FYB1: variants seen among roughly 807,000 people sequenced by gnomAD.
FYB1 encodes FYN binding protein 1.
Under a neutral mutation model 94.1 loss-of-function variants are expected in FYB1, and 41 were observed. The ratio of observed to expected loss-of-function variants is 0.44; its 90% confidence interval spans 0.34 to 0.57. The LOEUF is 0.57. Ranked by LOEUF, FYB1 falls within the 20% of genes least tolerant of loss-of-function variation. The pLI is 0.02. For missense variants in FYB1, 1,050 were observed against 976.8 expected (o/e 1.07, Z -1.00); for synonymous variants, 367 against 353.2 (o/e 1.04, Z -0.44).
At chr5:39,124,151 T>G (rs542940850) in intron 13 of FYB1, 102 bp downstream of exon 13, 685 of 789,948 alleles carry the variant, frequency 8.7e-4, no homozygotes, top group Non-Finnish European at 1.0e-3. Flanking sequence ...TTTATTATTT[T>G]CAGAGTCAAG....
At chr5:39,139,203 A>G (rs1022756117) in intron 5 of FYB1, 30 bp downstream of exon 5, 1 of 1,449,678 alleles carries the variant, frequency 6.9e-7, no homozygotes, top group Non-Finnish European at 9.3e-7. Flanking sequence ...GATTATGTCA[A>G]TATAATATGA....
At chr5:39,111,536 T>A (rs1328932903) in intron 16 of FYB1, among the ~76,000 whole-genome samples, 1 of 151,810 alleles carries the variant, frequency 6.6e-6, no homozygotes, top group African/African-American at 2.4e-5. Context: ...CATTAAAATT[T>A]AAGAAAATGA....
At chr5:39,109,261 G>A (rs1416428536) in intron 17 of FYB1, among the ~76,000 whole-genome samples, 4 of 151,782 alleles carry the variant, frequency 2.6e-5, no homozygotes, top group Non-Finnish European at 5.9e-5. Context: ...TTTGGCTAAC[G>A]GAAATCTCAT....
chr5:39,176,302 C>T (rs1444967662), intron 2 of FYB1, among the ~76,000 whole-genome samples: 2 of 151,746 alleles, frequency 1.3e-5, no homozygotes, highest in African/African-American at 4.8e-5. Context: ...AGGTGCGCAC[C>T]ACCAGGCCCA....
At chr5:39,108,800 A>T (rs2150250983) in intron 17 of FYB1, among the ~76,000 whole-genome samples, 1 of 152,214 alleles carries the variant, frequency 6.6e-6, no homozygotes, top group East Asian at 1.9e-4. Context: ...ATTCTTATGT[A>T]ATTTTAAAAC....
chr5:39,229,909 G>A (rs982903420), intron 1 of FYB1, among the ~76,000 whole-genome samples: 4 of 152,178 alleles, frequency 2.6e-5, no homozygotes, highest in African/African-American at 9.7e-5. Context: ...GGCCCGTGTG[G>A]TTCAATTAAA....
intron 1 of FYB1, chr5:39,211,111 A>G (rs1280032242): frequency 1.3e-5 from 2 of 152,226 alleles, no homozygotes; most frequent in Non-Finnish European, 2.9e-5. Context: ...CCAAATTAGA[A>G]AACAGTTTTT....
intron 17 of FYB1, among the ~76,000 whole-genome samples, chr5:39,109,621 T>C (rs1738868068): frequency 6.6e-6 from 1 of 152,142 alleles, no homozygotes; most frequent in South Asian, 2.1e-4. Flanking sequence ...TGTCAGGTTG[T>C]TGATGGGTAC....
intron 10 of FYB1, among the ~76,000 whole-genome samples, chr5:39,129,384 A>G (rs1045646927): frequency 6.6e-6 from 1 of 152,098 alleles, no homozygotes; most frequent in Non-Finnish European, 1.5e-5. Flanking sequence ...AAAACACTCC[A>G]AGACATTGGT....
chr5:39,119,958 C>A (rs148965476), intron 14 of FYB1, among the ~76,000 whole-genome samples: 1 of 152,034 alleles, frequency 6.6e-6, no homozygotes, highest in South Asian at 2.1e-4. Context: ...TATTCTTAAA[C>A]CTCCCTAAAT....
chr5:39,222,075 G>C (rs11952477), upstream of FYB1, among the ~76,000 whole-genome samples: 2 of 151,368 alleles, frequency 1.3e-5, no homozygotes, highest in Admixed American at 1.3e-4. Flanking sequence ...CCAAAAGCAA[G>C]CAACACGCCC....
intron 2 of FYB1, among the ~76,000 whole-genome samples, chr5:39,191,952 C>T (rs774202557): frequency 4.6e-5 from 7 of 152,162 alleles, no homozygotes; most frequent in Non-Finnish European, 8.8e-5. Context: ...AAAAAGCATG[C>T]ACAAAGACAT....
intron 2 of FYB1, among the ~76,000 whole-genome samples, chr5:39,165,568 C>T (rs910637816): frequency 1.2e-4 from 18 of 152,168 alleles, no homozygotes; most frequent in African/African-American, 3.9e-4. Context: ...AACTTATGGT[C>T]ATTAGCCTAG....
intron 2 of FYB1, among the ~76,000 whole-genome samples, chr5:39,179,865 T>C (rs1746061696): frequency 6.6e-6 from 1 of 152,120 alleles, no homozygotes; most frequent in Admixed American, 6.5e-5. Context: ...TATATCCTCT[T>C]CCCTCACTTG....
intron 2 of FYB1, among the ~76,000 whole-genome samples, chr5:39,182,354 C>T (rs1746341204): frequency 6.9e-6 from 1 of 144,502 alleles, no homozygotes; most frequent in Non-Finnish European, 1.5e-5. Flanking sequence ...TGTATGTGGT[C>T]AAGTATCATG....
intron 1 of FYB1, among the ~76,000 whole-genome samples, chr5:39,271,613 CT>C (rs1476437979): frequency 1.3e-5 from 2 of 151,954 alleles, no homozygotes; most frequent in African/African-American, 4.8e-5. Flanking sequence ...ATACAAAATC[CT>C]TTTTCAAAAA....
intron 2 of FYB1, among the ~76,000 whole-genome samples, chr5:39,158,822 T>C (rs1243482597): frequency 1.3e-5 from 2 of 152,172 alleles, no homozygotes; most frequent in African/African-American, 4.8e-5. Flanking sequence ...TTATACCATA[T>C]TGCTGCTCCC....
chr5:39,137,494 G>A (rs1246896125), intron 7 of FYB1, 106 bp downstream of exon 7: 1 of 1,285,922 alleles, frequency 7.8e-7, no homozygotes, highest in Non-Finnish European at 1.1e-6. Context: ...AGAGAATAAT[G>A]AATAAGTAAT....
chr5:39,119,104 T>C, intron 15 of FYB1, 68 bp from the exon 16 acceptor site: 1 of 712,520 alleles, frequency 1.4e-6, no homozygotes, highest in Non-Finnish European at 2.1e-6. Context: ...TATTTATGGA[T>C]GGATTTATTA....
Sources: allele counts gnomAD v4.1 joint callset (sites outside exome capture counted in the v4.1 genomes callset), GRCh38; gene constraint gnomAD v4.1.1; transcripts MANE v1.5; gene names NCBI Gene and HGNC (gene_info 2026-07-23, HGNC 2026-07-21).